The following SCD5 variants were observed in gnomAD, a reference collection of about 807,000 sequenced individuals.
SCD5 encodes stearoyl-CoA desaturase 5.
SCD5 carries 20 observed loss-of-function variants against 30.4 expected under a neutral mutation model. The observed-to-expected ratio is 0.66, with a 90% CI of 0.46 to 0.96. SCD5 has a LOEUF of 0.96. Among genes scored for constraint, SCD5 ranks in the 40% least tolerant of loss-of-function variants. The pLI is 0.00. For missense variants in SCD5, 381 were observed against 443.3 expected, an observed-to-expected ratio of 0.86 and a Z score of 1.26; for synonymous variants, 173 against 176.4, an observed-to-expected ratio of 0.98 and a Z score of 0.16.
At chr4:82,675,119 G>A (rs915162507) in intron 3 of SCD5, among the ~76,000 whole-genome samples, 3 of 152,122 alleles carry the variant, frequency 2.0e-5, no homozygotes, top group African/African-American at 7.2e-5. Context: ...TGGAAACTAT[G>A]GACTTTGGGT....
chr4:82,664,120 C>T (rs1022808157), intron 3 of SCD5, among the ~76,000 whole-genome samples: 1 of 152,144 alleles, frequency 6.6e-6, no homozygotes, highest in Non-Finnish European at 1.5e-5. Flanking sequence ...CACAGGTGTG[C>T]AGGGACAGCT....
intron 1 of SCD5, among the ~76,000 whole-genome samples, chr4:82,774,121 C>G (rs1481526111): frequency 6.7e-6 from 1 of 149,920 alleles, no homozygotes. Context: ...AGAAATACAT[C>G]CTATGGAAAT....
At chr4:82,681,730 A>G (rs1243015739) in intron 2 of SCD5, among the ~76,000 whole-genome samples, 1 of 152,100 alleles carries the variant, frequency 6.6e-6, no homozygotes, top group Non-Finnish European at 1.5e-5. Flanking sequence ...CCCCCATGAC[A>G]CGTTTACCTA....
rs967529866 is a variant in SCD5, at chr4:82,715,563, T to C, written c.233-10150A>G. 4.0e-5 allele frequency among the ~76,000 whole-genome samples: 6 copies of C among 151,722 alleles called. 1 individual carries two copies. Among genetic ancestry groups the C allele is most frequent in the Non-Finnish European group, 5.9e-5 (4 of 68,028 alleles). On this transcript the variant is annotated intron_variant, in intron 1 of 4. Transcript: ENST00000319540. The stretch of plus-strand genomic sequence containing the variant: ...AAAAATAAGGGTGTCCCAAACACCA[T>C]TCTGGCGCCAGGCTACCTGTATCAT...
At chr4:82,778,318 C>G (rs1318289188) in intron 1 of SCD5, among the ~76,000 whole-genome samples, 1 of 152,142 alleles carries the variant, frequency 6.6e-6, no homozygotes, top group Non-Finnish European at 1.5e-5. Flanking sequence ...AGATGTCACC[C>G]CAGGGACCTG....
At chr4:82,681,911 T>C (rs777795876) in intron 2 of SCD5, among the ~76,000 whole-genome samples, 4 of 152,186 alleles carry the variant, frequency 2.6e-5, no homozygotes, top group Non-Finnish European at 5.9e-5. Flanking sequence ...GTGTTCTTCA[T>C]GTGTGACTCA....
At chr4:82,669,681 G>A (rs1728266520) in intron 3 of SCD5, among the ~76,000 whole-genome samples, 1 of 152,114 alleles carries the variant, frequency 6.6e-6, no homozygotes, top group South Asian at 2.1e-4. Flanking sequence ...GCTTGACCAG[G>A]TTCTCAGAGT....
intron 1 of SCD5, among the ~76,000 whole-genome samples, chr4:82,756,729 C>T (rs1282469010): frequency 6.8e-6 from 1 of 146,850 alleles, no homozygotes; most frequent in Non-Finnish European, 1.5e-5. Context: ...CATGCTCTTT[C>T]CTACTTGTAG....
chr4:82,786,224 A>G (rs945083456), intron 1 of SCD5, among the ~76,000 whole-genome samples: 1 of 152,130 alleles, frequency 6.6e-6, no homozygotes, highest in African/African-American at 2.4e-5. Context: ...CCAGGCTGTA[A>G]GTGATTAATT....
intron 1 of SCD5, among the ~76,000 whole-genome samples, chr4:82,795,956 G>A (rs1722204218): frequency 6.6e-6 from 1 of 150,516 alleles, no homozygotes; most frequent in Non-Finnish European, 1.5e-5. Context: ...TTTTAGGGAG[G>A]CAATGAAGGT....
intron 3 of SCD5, among the ~76,000 whole-genome samples, chr4:82,672,509 A>G (rs1728349014): frequency 6.6e-6 from 1 of 152,138 alleles, no homozygotes; most frequent in African/African-American, 2.4e-5. Flanking sequence ...TAGACAATCT[A>G]AATAGGCCTA....
intron 3 of SCD5, among the ~76,000 whole-genome samples, chr4:82,670,489 A>G (rs1337220593): frequency 6.6e-6 from 1 of 152,222 alleles, no homozygotes; most frequent in Non-Finnish European, 1.5e-5. Flanking sequence ...GAAATGCTCA[A>G]ATAAAACCAC....
chr4:82,662,001 T>C (rs1728020502), intron 3 of SCD5, among the ~76,000 whole-genome samples: 1 of 152,120 alleles, frequency 6.6e-6, no homozygotes, highest in Non-Finnish European at 1.5e-5. Context: ...AGGAGGGAAA[T>C]GAAGAGACAG....
At chr4:82,703,762 TA>T (rs1442648746) in intron 2 of SCD5, among the ~76,000 whole-genome samples, 2 of 152,242 alleles carry the variant, frequency 1.3e-5, no homozygotes, top group African/African-American at 4.8e-5. Context: ...AGAAATGTTT[TA>T]TAACTACATG....
intron 1 of SCD5, among the ~76,000 whole-genome samples, chr4:82,761,269 G>T (rs990014204): frequency 2.0e-5 from 3 of 152,148 alleles, no homozygotes; most frequent in African/African-American, 7.2e-5. Context: ...CTCAACACTT[G>T]GGAGAATCTT....
At chr4:82,743,120 T>C (rs894179865) in intron 1 of SCD5, among the ~76,000 whole-genome samples, 4 of 152,122 alleles carry the variant, frequency 2.6e-5, no homozygotes, top group African/African-American at 9.7e-5. Context: ...TTAAATCAAG[T>C]TCAAAGGTTC....
chr4:82,695,942 G>T (rs1578025654), intron 2 of SCD5, among the ~76,000 whole-genome samples: 1 of 152,230 alleles, frequency 6.6e-6, no homozygotes, highest in East Asian at 1.9e-4. Flanking sequence ...ACTCCACATT[G>T]TCTTTTTATA....
At chr4:82,693,494 C>G (rs1719611630) in intron 2 of SCD5, among the ~76,000 whole-genome samples, 1 of 152,154 alleles carries the variant, frequency 6.6e-6, no homozygotes, top group East Asian at 1.9e-4. Context: ...CTTCCTGATT[C>G]AATGCTTGCC....
chr4:82,772,671 C>T (rs2148849001), intron 1 of SCD5, among the ~76,000 whole-genome samples: 1 of 152,266 alleles, frequency 6.6e-6, no homozygotes, highest in Middle Eastern at 3.4e-3. Context: ...CACATGGAGG[C>T]AGAAAGGTTC....
Sources: allele counts gnomAD v4.1 joint callset (sites outside exome capture counted in the v4.1 genomes callset), GRCh38; gene constraint gnomAD v4.1.1; transcripts MANE v1.5; gene names NCBI Gene and HGNC (gene_info 2026-07-23, HGNC 2026-07-21).